Variants in VEZT observed in about 807,000 individuals in gnomAD.
The protein encoded by VEZT is vezatin.
In VEZT, 39 loss-of-function variants were observed where a neutral mutation model predicts 79.9. The observed-to-expected ratio is 0.49, with a 90% confidence interval of 0.38 to 0.64. The LOEUF (loss-of-function observed/expected upper bound fraction) is 0.64. VEZT is among the 30% of genes least tolerant of loss of function. VEZT has a pLI of 0.00. For missense variants in VEZT, 837 were observed against 893.1 expected, an observed-to-expected ratio of 0.94 and a Z score of 0.80; for synonymous variants, 325 against 327.6, an observed-to-expected ratio of 0.99 and a Z score of 0.09.
intron 1 of VEZT, chr12:95,231,376 G>A (rs2059256523): frequency 6.6e-6 from 1 of 152,136 alleles, no homozygotes; most frequent in Non-Finnish European, 1.5e-5. Context: ...AAAATGCTTA[G>A]TAATGACAGA....
intron 4 of VEZT, among the ~76,000 whole-genome samples, chr12:95,264,855 C>CTTTCT (rs1393730811): frequency 5.6e-5 from 8 of 143,582 alleles, no homozygotes; most frequent in Admixed American, 1.4e-4. Flanking sequence ...ATACTCCCCT[C>CTTTCT]TTTCTTTTCT....
intron 4 of VEZT, 48 bp from the exon 5 acceptor site, chr12:95,266,309 T>G (rs2065527892): frequency 6.5e-7 from 1 of 1,526,810 alleles, no homozygotes; most frequent in Non-Finnish European, 8.8e-7. Flanking sequence ...AATTCATCTT[T>G]CTTTCTCTAA....
At chr12:95,286,718 C>A in intron 8 of VEZT, 1 of 394,230 alleles carries the variant, frequency 2.5e-6, no homozygotes, top group East Asian at 6.5e-5. Context: ...TTTCCCATTC[C>A]CTGCGTGTCT....
chr12:95,292,610 G>A (rs1260493980), intron 9 of VEZT, among the ~76,000 whole-genome samples: 2 of 149,594 alleles, frequency 1.3e-5, no homozygotes, highest in East Asian at 2.0e-4. Context: ...GTGCAGTGGC[G>A]CGATCTCGCC....
intron 7 of VEZT, among the ~76,000 whole-genome samples, chr12:95,276,824 A>G (rs1288908939): frequency 1.3e-5 from 2 of 151,992 alleles, no homozygotes; most frequent in Non-Finnish European, 2.9e-5. Context: ...CTTTCCTATT[A>G]CGTAAAATTT....
intron 2 of VEZT, chr12:95,256,546 G>A: frequency 7.8e-7 from 1 of 1,280,750 alleles, no homozygotes. Flanking sequence ...ATGACCCTTT[G>A]CAGTACCTGG....
At chr12:95,251,843 A>T (rs1161067341) in intron 1 of VEZT, 97 bp from the exon 2 acceptor site, 2 of 1,098,538 alleles carry the variant, frequency 1.8e-6, no homozygotes, top group East Asian at 5.0e-5. Flanking sequence ...ATTTGGACAT[A>T]CTGGTCACAA....
At chr12:95,268,189 C>T (rs1032473077) in intron 5 of VEZT, among the ~76,000 whole-genome samples, 3 of 151,922 alleles carry the variant, frequency 2.0e-5, no homozygotes, top group South Asian at 4.2e-4. Flanking sequence ...TTAAAAAAAT[C>T]ATGCTTAAAA....
At chr12:95,279,876 C>T (rs144727772) in intron 7 of VEZT, among the ~76,000 whole-genome samples, 2 of 152,248 alleles carry the variant, frequency 1.3e-5, no homozygotes, top group East Asian at 1.9e-4. Context: ...GGAGCCACTG[C>T]GCCTGGCCTT....
In VEZT at chr12:95,300,335, T is replaced by C; in HGVS notation, c.2002T>C (p.Ser668Pro). 6.2e-7 allele frequency: 1 copy of C among 1,610,988 alleles called. No homozygotes were observed. Among genetic ancestry groups the C allele is most frequent in the South Asian group, 1.1e-5 (1 of 90,444 alleles). The change falls in exon 12 of 12, where the codon TCT (serine) becomes CCT (proline). Residue 668 changes from serine to proline, a missense_variant. By Grantham distance (74) the Ser-to-Pro change is moderately conservative. Coordinates refer to ENST00000436874, the MANE Select transcript of VEZT (RefSeq NM_017599.4). ...ISRTEYLCEN[S>P]LEGKNKDNSS... ...TAGGACTGAGTATTTATGTGAAAAC[T>C]CTCTAGAAGGTAAAAATAAAGATAA...
chr12:95,270,297 T>C, intron 6 of VEZT, 109 bp downstream of exon 6: 1 of 1,127,298 alleles, frequency 8.9e-7, no homozygotes, highest in South Asian at 1.6e-5. Flanking sequence ...ATTGCCTATT[T>C]TGAAGCTAAT....
At chr12:95,276,977 A>G (rs1593889322) in intron 7 of VEZT, among the ~76,000 whole-genome samples, 1 of 152,018 alleles carries the variant, frequency 6.6e-6, no homozygotes, top group African/African-American at 2.4e-5. Flanking sequence ...TACCTTGAAA[A>G]TGTATTTTAA....
chr12:95,250,294 A>T (rs1308126880), intron 1 of VEZT, among the ~76,000 whole-genome samples: 4 of 119,904 alleles, frequency 3.3e-5, no homozygotes, highest in Non-Finnish European at 5.1e-5. Context: ...TTTTTTTTTT[A>T]ATTTTTTAAT....
chr12:95,300,609 C>T lies in VEZT; in HGVS notation c.2276C>T (p.Thr759Ile). 1 of 1,610,242 alleles carries T rather than the reference C, an allele frequency of 6.2e-7. No homozygotes were observed. Among genetic ancestry groups the T allele is most frequent in the Non-Finnish European group, 8.5e-7 (1 of 1,177,878 alleles). ...SLSFTTMQEQ[T>I]FGGEEEEQII... ...TCCTTTACCACCATGCAGGAACAGACTTTTGGTGGTGAGGAGGAAGAACAA... is the reference window on the plus strand; with the variant it reads ...TCCTTTACCACCATGCAGGAACAGATTTTTGGTGGTGAGGAGGAAGAACAA... Residue 759 changes from threonine (T) to isoleucine (I), a missense_variant, in exon 12 of 12, where the codon ACT becomes ATT. By Grantham distance (89) the Thr-to-Ile change is moderately conservative (BLOSUM62 -1). Transcript: ENST00000436874.
At chr12:95,293,129 C>T (rs1416247644) in intron 9 of VEZT, among the ~76,000 whole-genome samples, 2 of 151,958 alleles carry the variant, frequency 1.3e-5, no homozygotes, top group Non-Finnish European at 2.9e-5. Context: ...GGATTACAGG[C>T]GTGAGCCACT....
intron 11 of VEZT, among the ~76,000 whole-genome samples, chr12:95,298,561 T>C (rs534241939): frequency 6.6e-6 from 1 of 152,304 alleles, no homozygotes; most frequent in East Asian, 1.9e-4. Flanking sequence ...ATTCAACAAG[T>C]AGTTATTAGG....
Position 95,282,601 on chromosome 12 carries a change from GCAGTGCGTAGCT to G in VEZT, c.1286_1297del (p.Ala429_Leu433delinsVal). The stretch of plus-strand genomic sequence containing the variant: ...AAGAGAACTGAATAATGTTCACACA[GCAGTGCGTAGCT>G]TGCAGCTCCATCTGAAAGCATTACT... On this transcript the variant is annotated inframe_deletion, in exon 8 of 12. Transcript: ENST00000436874. 1 of 1,611,238 alleles carries G rather than the reference GCAGTGCGTAGCT, an allele frequency of 6.2e-7. No individual in the cohort carries two copies. The highest frequency in any genetic ancestry group is 8.5e-7 in the Non-Finnish European group (1 of 1,177,804).
intron 7 of VEZT, among the ~76,000 whole-genome samples, chr12:95,277,149 C>G (rs975169707): frequency 6.6e-6 from 1 of 151,780 alleles, no homozygotes; most frequent in African/African-American, 2.4e-5. Context: ...ATGTAAAGAA[C>G]CTTTTTAATG....
At chr12:95,247,589 A>G (rs2061896044) in intron 1 of VEZT, among the ~76,000 whole-genome samples, 1 of 152,110 alleles carries the variant, frequency 6.6e-6, no homozygotes, top group African/African-American at 2.4e-5. Flanking sequence ...GAGTTCTAAT[A>G]TGATGTCATT....
Sources: gnomAD v4.1 joint callset for allele counts (sites outside exome capture counted in the v4.1 genomes callset) on GRCh38, gnomAD v4.1.1 for gene constraint, MANE v1.5 for transcripts, NCBI Gene and HGNC (gene_info 2026-07-23, HGNC 2026-07-21) for gene names.